Variants in HK1 observed in about 807,000 individuals in gnomAD.
The protein encoded by HK1 is hexokinase 1, also known as hexokinase-1.
A neutral mutation model predicts 91.6 loss-of-function variants in HK1; 28 were observed. The observed-to-expected ratio is 0.31, with a 90% CI of 0.23 to 0.42. The LOEUF is 0.42. Ranked by LOEUF, HK1 falls within the 10% of genes least tolerant of loss-of-function variation. The probability of loss-of-function intolerance (pLI) is 1.00; values close to 1 mark genes in which losing one functional copy is unlikely to be tolerated. For synonymous variants in HK1, 430 were observed against 468.1 expected, an observed-to-expected ratio of 0.92 and a Z score of 1.05; for missense variants, 770 against 1,219.8, an observed-to-expected ratio of 0.63 and a Z score of 5.49.
intron 4 of HK1, 52 bp from the exon 5 acceptor site, chr10:69,368,484 G>A: frequency 6.7e-7 from 1 of 1,489,272 alleles, no homozygotes; most frequent in East Asian, 2.3e-5. Context: ...AGGGCCTTGG[G>A]GTGCTGGAGG....
At chr10:69,377,795 A>G (rs1045759056) in intron 8 of HK1, among the ~76,000 whole-genome samples, 18 of 152,210 alleles carry the variant, frequency 1.2e-4, no homozygotes, top group African/African-American at 3.9e-4. Context: ...CTTCCCTGCC[A>G]CACACACATT....
At chr10:69,282,962 CAA>C (rs35376303) in intron 2 of HK1, among the ~76,000 whole-genome samples, 80 of 138,530 alleles carry the variant, frequency 5.8e-4, no homozygotes, top group East Asian at 1.1e-3. Flanking sequence ...ACTAAAAATA[CAA>C]AAAAAAAAAA....
intron 3 of HK1, among the ~76,000 whole-genome samples, chr10:69,294,590 C>T (rs1481797079): frequency 6.6e-6 from 1 of 152,142 alleles, no homozygotes; most frequent in Non-Finnish European, 1.5e-5. Flanking sequence ...GGCACGGTGC[C>T]TCACACTTGT....
At chr10:69,373,597 T>C (rs2132837700) in intron 7 of HK1, among the ~76,000 whole-genome samples, 1 of 151,822 alleles carries the variant, frequency 6.6e-6, no homozygotes, top group Admixed American at 6.5e-5. Context: ...AGGTTTTTTT[T>C]TTTTTTTCTT....
chr10:69,358,242 G>A (rs1849232220), intron 2 of HK1, among the ~76,000 whole-genome samples: 1 of 152,172 alleles, frequency 6.6e-6, no homozygotes, highest in African/African-American at 2.4e-5. Flanking sequence ...GGAGCATCGT[G>A]AGGATAACTA....
chr10:69,271,274 T>A (rs1362372416), intron 1 of HK1, among the ~76,000 whole-genome samples: 1 of 152,112 alleles, frequency 6.6e-6, no homozygotes, highest in African/African-American at 2.4e-5. Context: ...CCTTGGACAA[T>A]CAAGAATACA....
intron 16 of HK1, among the ~76,000 whole-genome samples, chr10:69,398,219 A>G (rs935545657): frequency 1.7e-4 from 26 of 152,254 alleles, no homozygotes; most frequent in African/African-American, 5.8e-4. Context: ...GCTGTTTCCA[A>G]TCCTGTTCTC....
intron 5 of HK1, among the ~76,000 whole-genome samples, chr10:69,301,117 G>T (rs1442447974): frequency 6.6e-6 from 1 of 151,490 alleles, no homozygotes; most frequent in African/African-American, 2.4e-5. Flanking sequence ...GTAGTGTTGG[G>T]TGCCTGTAAT....
chr10:69,385,623 G>T (rs959942111), intron 12 of HK1, among the ~76,000 whole-genome samples: 49 of 152,198 alleles, frequency 3.2e-4, no homozygotes, highest in African/African-American at 1.2e-3. Flanking sequence ...ACGTGACCAG[G>T]CAGGAGTTCT....
At chr10:69,293,446 A>G (rs1341476982) in intron 3 of HK1, among the ~76,000 whole-genome samples, 1 of 152,250 alleles carries the variant, frequency 6.6e-6, no homozygotes, top group African/African-American at 2.4e-5. Context: ...TCTCCAAGAT[A>G]TGTATGCACT....
chr10:69,355,298 G>A (rs767435620), intron 2 of HK1, among the ~76,000 whole-genome samples: 9 of 152,056 alleles, frequency 5.9e-5, no homozygotes, highest in Non-Finnish European at 1.3e-4. Flanking sequence ...AAAACAGAAA[G>A]CAAACCTTAT....
intron 1 of HK1, among the ~76,000 whole-genome samples, chr10:69,328,052 A>G (rs1209767678): frequency 6.6e-6 from 1 of 152,162 alleles, no homozygotes; most frequent in Non-Finnish European, 1.5e-5. Context: ...TCACTTGCAC[A>G]CACTTTCTCT....
At chr10:69,338,200 GA>G in intron 1 of HK1, 1 of 1,052,506 alleles carries the variant, frequency 9.5e-7, no homozygotes, top group Non-Finnish European at 1.2e-6. Flanking sequence ...GAAAGTGTTT[GA>G]GCAAGAGCGC....
intron 16 of HK1, 82 bp downstream of exon 16, chr10:69,395,187 C>T: frequency 7.1e-7 from 1 of 1,403,462 alleles, no homozygotes; most frequent in Non-Finnish European, 9.9e-7. Context: ...GTGGTAGGGA[C>T]CCTAGGGGAC....
At chr10:69,296,755 G>C (rs540107257) in intron 4 of HK1, among the ~76,000 whole-genome samples, 1 of 152,328 alleles carries the variant, frequency 6.6e-6, no homozygotes, top group African/African-American at 2.4e-5. Flanking sequence ...TGGGGAGACT[G>C]AGGAGGTTGG....
At chr10:69,373,252 A>G (rs1444068142) in intron 7 of HK1, among the ~76,000 whole-genome samples, 1 of 152,118 alleles carries the variant, frequency 6.6e-6, no homozygotes, top group Non-Finnish European at 1.5e-5. Context: ...ACCAACAGCT[A>G]CTCATTCCAT....
chr10:69,341,989 A>C (rs1848314999), intron 1 of HK1, among the ~76,000 whole-genome samples: 2 of 152,030 alleles, frequency 1.3e-5, no homozygotes, highest in South Asian at 4.1e-4. Flanking sequence ...CTCTACTAAA[A>C]ATACAAAAAT....
chr10:69,284,728 T>C (rs973360980), intron 2 of HK1, among the ~76,000 whole-genome samples: 3 of 152,190 alleles, frequency 2.0e-5, no homozygotes, highest in African/African-American at 7.2e-5. Flanking sequence ...AACCTCCGCC[T>C]CCAGGGTTCA....
chr10:69,308,171 C>T (rs1336225964), intron 5 of HK1, among the ~76,000 whole-genome samples: 2 of 152,088 alleles, frequency 1.3e-5, no homozygotes, highest in East Asian at 3.8e-4. Flanking sequence ...AAGCGGTTCC[C>T]AACCTTTATG....
Sources: allele counts gnomAD v4.1 joint callset (sites outside exome capture counted in the v4.1 genomes callset), GRCh38; gene constraint gnomAD v4.1.1; transcripts MANE v1.5; gene names NCBI Gene and HGNC (gene_info 2026-07-23, HGNC 2026-07-21).